The following AK5 variants were observed in gnomAD, a reference collection of about 807,000 sequenced individuals.
AK5 encodes the protein adenylate kinase isoenzyme 5.
Under a neutral mutation model 69.5 loss-of-function variants are expected in AK5, and 27 were observed. The ratio of observed to expected loss-of-function variants is 0.39; its 90% CI spans 0.29 to 0.54. The LOEUF is 0.54. AK5 is among the 20% of genes least tolerant of loss of function. The pLI, the probability that AK5 is intolerant of heterozygous loss-of-function variation, is 0.71. For missense variants in AK5, 531 were observed against 700.4 expected (o/e 0.76, Z 2.73); for synonymous variants, 260 against 244.4 (o/e 1.06, Z -0.60).
At chr1:77,475,742 G>A (rs560087103) in intron 8 of AK5, among the ~76,000 whole-genome samples, 1 of 151,766 alleles carries the variant, frequency 6.6e-6, no homozygotes, top group African/African-American at 2.4e-5. Context: ...TCCTTGGCAA[G>A]ACTAGTCAGA....
intron 6 of AK5, among the ~76,000 whole-genome samples, chr1:77,357,942 T>C (rs1281722048): frequency 1.3e-5 from 2 of 151,966 alleles, no homozygotes; most frequent in Non-Finnish European, 2.9e-5. Context: ...GTTCTTTCTA[T>C]CTAAAAATCT....
intron 5 of AK5, among the ~76,000 whole-genome samples, chr1:77,303,903 A>G (rs1309273482): frequency 1.3e-5 from 2 of 152,152 alleles, no homozygotes; most frequent in East Asian, 1.9e-4. Flanking sequence ...TATATATTTA[A>G]GGGGCACATG....
intron 6 of AK5, among the ~76,000 whole-genome samples, chr1:77,367,639 G>A (rs187862996): frequency 0.061 from 3,421 of 56,326 alleles, 306 homozygotes; most frequent in South Asian, 0.11. Context: ...TAATATATAT[G>A]TTATGTTATA....
chr1:77,498,353 G>A (rs932616987), intron 10 of AK5, among the ~76,000 whole-genome samples: 8 of 152,192 alleles, frequency 5.3e-5, no homozygotes, highest in Admixed American at 2.0e-4. Context: ...TTTCAAGAAA[G>A]TTGACTCTGA....
intron 8 of AK5, among the ~76,000 whole-genome samples, chr1:77,424,500 C>T (rs1570546378): frequency 1.3e-5 from 2 of 151,980 alleles, no homozygotes; most frequent in East Asian, 1.9e-4. Context: ...GATTAATATG[C>T]CAAGGACTTT....
intron 5 of AK5, among the ~76,000 whole-genome samples, chr1:77,298,896 G>A (rs1236020211): frequency 6.6e-6 from 1 of 152,130 alleles, no homozygotes; most frequent in Non-Finnish European, 1.5e-5. Context: ...AAGTCTATCT[G>A]TAAAACGTGA....
intron 6 of AK5, among the ~76,000 whole-genome samples, chr1:77,391,404 TAC>T (rs1395406454): frequency 7.1e-6 from 1 of 141,504 alleles, no homozygotes; most frequent in Admixed American, 7.2e-5. Context: ...TATATATATA[TAC>T]ACACACATAT....
chr1:77,303,192 C>T (rs763313944), intron 5 of AK5, among the ~76,000 whole-genome samples: 26 of 152,228 alleles, frequency 1.7e-4, no homozygotes, highest in Non-Finnish European at 2.2e-4. Context: ...TGCAGAGATG[C>T]GGGGTTTTTT....
chr1:77,329,518 C>G (rs547991353), intron 5 of AK5, among the ~76,000 whole-genome samples: 2 of 152,250 alleles, frequency 1.3e-5, no homozygotes, highest in East Asian at 1.9e-4. Context: ...ACCTCATCCT[C>G]CTGAGTAGCT....
At chr1:77,368,234 T>TGTTAC (rs1557535210) in intron 6 of AK5, among the ~76,000 whole-genome samples, 4 of 3,736 alleles carry the variant, frequency 1.1e-3, no homozygotes, top group African/African-American at 1.4e-3. Flanking sequence ...TATATATATA[T>TGTTAC]ATATATATAT....
chr1:77,477,536 A>T (rs192280431), intron 8 of AK5, among the ~76,000 whole-genome samples: 118 of 152,336 alleles, frequency 7.7e-4, no homozygotes, highest in South Asian at 2.1e-3. Context: ...ATGGTTCATG[A>T]TTCTTCCAGA....
chr1:77,558,779 C>T lies in AK5; in HGVS notation c.*109C>T. 1.3e-6 allele frequency: 1 copy of T among 748,720 alleles called. No homozygotes were observed. Among genetic ancestry groups the T allele is most frequent in the Non-Finnish European group, 2.3e-6 (1 of 427,540 alleles). The allele number at this position is 748,720 out of a possible 1,614,324, so 46.4% of individuals were successfully genotyped here. Reference sequence around the variant, plus strand: ...TTTGTGTCACCGCCCCCACCAACCACCACCTCCTAAATCCTGACAGCACTG... The same window carrying T: ...TTTGTGTCACCGCCCCCACCAACCATCACCTCCTAAATCCTGACAGCACTG... On this transcript the variant is annotated 3_prime_UTR_variant, in exon 14 of 14. Transcript: ENST00000354567.
At chr1:77,541,156 C>G (rs938695540) in intron 13 of AK5, among the ~76,000 whole-genome samples, 2 of 152,206 alleles carry the variant, frequency 1.3e-5, no homozygotes, top group Non-Finnish European at 2.9e-5. Flanking sequence ...ATCTGCCTGC[C>G]TTGGCCTCCC....
intron 5 of AK5, among the ~76,000 whole-genome samples, chr1:77,320,732 A>G (rs1660487824): frequency 6.6e-6 from 1 of 152,122 alleles, no homozygotes; most frequent in African/African-American, 2.4e-5. Context: ...CTGGGTGTTG[A>G]CAAGCAAGAC....
intron 8 of AK5, among the ~76,000 whole-genome samples, chr1:77,469,334 T>C (rs992089393): frequency 3.3e-5 from 5 of 152,194 alleles, no homozygotes; most frequent in South Asian, 2.1e-4. Context: ...CTACAATCAG[T>C]TGACTTTGAG....
chr1:77,292,101 T>C (rs376066243), intron 2 of AK5, among the ~76,000 whole-genome samples: 6 of 152,112 alleles, frequency 3.9e-5, no homozygotes, highest in African/African-American at 1.4e-4. Context: ...GTTGTGATAG[T>C]AGAGATGGAG....
intron 5 of AK5, among the ~76,000 whole-genome samples, chr1:77,300,656 T>C (rs79523035): frequency 0.05 from 7,613 of 152,230 alleles, 226 homozygotes; most frequent in South Asian, 0.093. Flanking sequence ...AAGAATTCAG[T>C]TCAACTTGGA....
chr1:77,400,764 G>A (rs942236543), intron 6 of AK5, among the ~76,000 whole-genome samples: 1 of 151,716 alleles, frequency 6.6e-6, no homozygotes, highest in Non-Finnish European at 1.5e-5. Flanking sequence ...AGTTCTCTGG[G>A]TGCTGCCTAT....
At chr1:77,500,209 C>T (rs568301933) in intron 10 of AK5, among the ~76,000 whole-genome samples, 12 of 152,102 alleles carry the variant, frequency 7.9e-5, no homozygotes, top group Admixed American at 2.0e-4. Context: ...AGGATCAATG[C>T]GGAGTCTTTA....
Sources: allele counts gnomAD v4.1 joint callset (sites outside exome capture counted in the v4.1 genomes callset), GRCh38; gene constraint gnomAD v4.1.1; transcripts MANE v1.5; gene names NCBI Gene and HGNC (gene_info 2026-07-23, HGNC 2026-07-21).